The following SYNE2 variants were observed in gnomAD, a reference collection of about 807,000 sequenced individuals.
SYNE2 encodes the protein nesprin-2.
In SYNE2, 431 loss-of-function variants were observed where a neutral mutation model predicts 856.3. The observed-to-expected ratio is 0.50, with a 90% confidence interval of 0.47 to 0.55. SYNE2 has a LOEUF of 0.55. Among genes scored for constraint, SYNE2 ranks in the 20% least tolerant of loss-of-function variants. The probability of loss-of-function intolerance (pLI) is 0.00; values close to 1 mark genes in which losing one functional copy is unlikely to be tolerated. For synonymous variants in SYNE2, 2,923 were observed against 2,872.3 expected (o/e 1.02, Z -0.56); for missense variants, 8,129 against 8,023.2 (o/e 1.01, Z -0.50).
chr14:64,076,799 AAC>A lies in SYNE2; in HGVS notation c.11022+703_11022+704del, dbSNP rs1350504711. 3.8e-4 allele frequency among the ~76,000 whole-genome samples: 58 copies of A among 151,778 alleles called. 1 individual carries two copies. Among genetic ancestry groups the A allele is most frequent in the Middle Eastern group, 6.8e-3 (2 of 294 alleles). Reference sequence around the variant, plus strand: ...AACTTGATAAATAAAATAGATCTTAAACACAAAAAATTCAGATTTCAAACTTA... The same window carrying A: ...AACTTGATAAATAAAATAGATCTTAAACAAAAAATTCAGATTTCAAACTTA... On this transcript the variant is annotated intron_variant, in intron 54 of 115. Transcript: ENST00000555002.
At chr14:64,107,153 C>T (rs1452413379) in intron 64 of SYNE2, among the ~76,000 whole-genome samples, 1 of 152,106 alleles carries the variant, frequency 6.6e-6, no homozygotes, top group East Asian at 1.9e-4. Context: ...TCACACCTGG[C>T]CATGTAATTT....
chr14:64,011,758 C>G (rs531194354), intron 32 of SYNE2, among the ~76,000 whole-genome samples: 1 of 152,272 alleles, frequency 6.6e-6, no homozygotes, highest in African/African-American at 2.4e-5. Flanking sequence ...TTCCCACTAC[C>G]CCATAACTGT....
chr14:63,878,808 G>A (rs1471204063), intron 1 of SYNE2, among the ~76,000 whole-genome samples: 2 of 152,216 alleles, frequency 1.3e-5, no homozygotes, highest in African/African-American at 2.4e-5. Flanking sequence ...GCCTCCCAAA[G>A]TGTTGGAATT....
chr14:64,107,356 TC>T, intron 64 of SYNE2, 134 bp from the exon 65 acceptor site: 1 of 786,350 alleles, frequency 1.3e-6, no homozygotes, highest in Non-Finnish European at 2.2e-6. Flanking sequence ...CAAACTTTTT[TC>T]TAATCGTATC....
At chr14:63,898,042 A>T (rs755143116) in intron 1 of SYNE2, among the ~76,000 whole-genome samples, 41 of 152,164 alleles carry the variant, frequency 2.7e-4, no homozygotes, top group Non-Finnish European at 5.3e-4. Flanking sequence ...GTTCAAAGCC[A>T]CTCATTGAAA....
intron 6 of SYNE2, among the ~76,000 whole-genome samples, chr14:63,949,328 T>C (rs966582312): frequency 2.6e-5 from 4 of 152,214 alleles, no homozygotes; most frequent in African/African-American, 9.6e-5. Flanking sequence ...TTAAATTTCT[T>C]AAATTATTAA....
At chr14:64,019,691 G>A (rs1483465123) in intron 34 of SYNE2, among the ~76,000 whole-genome samples, 6 of 152,126 alleles carry the variant, frequency 3.9e-5, no homozygotes, top group Admixed American at 2.0e-4. Context: ...GCGCACACAC[G>A]GGGTATGCAA....
chr14:63,799,172 G>A (rs986882997), intron 1 of SYNE2, among the ~76,000 whole-genome samples: 14 of 152,188 alleles, frequency 9.2e-5, no homozygotes, highest in East Asian at 1.9e-4. Context: ...TCCACCTCCC[G>A]GGTTCAAGCA....
At chr14:64,207,357 T>C (rs2098610493) in intron 100 of SYNE2, among the ~76,000 whole-genome samples, 2 of 152,062 alleles carry the variant, frequency 1.3e-5, no homozygotes, top group Admixed American at 1.3e-4. Context: ...GGTGGATCAC[T>C]TGAGCTCAGA....
chr14:64,173,110 A>G (rs1296911534), intron 94 of SYNE2, among the ~76,000 whole-genome samples: 1 of 152,200 alleles, frequency 6.6e-6, no homozygotes, highest in East Asian at 1.9e-4. Context: ...TCTTAGGCAG[A>G]TAAAGGACTT....
chr14:64,224,181 C>CAAAAAAAAAAAAAAA (rs35804232), intron 113 of SYNE2, among the ~76,000 whole-genome samples: 1 of 74,748 alleles, frequency 1.3e-5, no homozygotes, highest in Non-Finnish European at 2.5e-5. Context: ...CCCGTCTCTG[C>CAAAAAAAAAAAAAAA]AAAAAAAAAA....
At chr14:63,810,055 C>T (rs923913921) in intron 1 of SYNE2, among the ~76,000 whole-genome samples, 4 of 152,044 alleles carry the variant, frequency 2.6e-5, no homozygotes, top group African/African-American at 9.7e-5. Flanking sequence ...GACACTGTCT[C>T]TACAAAAAAT....
At chr14:63,962,053 GTTTA>G (rs994294482) in intron 9 of SYNE2, among the ~76,000 whole-genome samples, 6 of 150,496 alleles carry the variant, frequency 4.0e-5, no homozygotes, top group Non-Finnish European at 7.4e-5. Context: ...TTTTATTTTT[GTTTA>G]TTTATTTATT....
At chr14:63,954,479 C>T (rs1047815160) in intron 7 of SYNE2, among the ~76,000 whole-genome samples, 1 of 152,188 alleles carries the variant, frequency 6.6e-6, no homozygotes, top group Admixed American at 6.5e-5. Flanking sequence ...ACCTGCACCC[C>T]ATGTGATACT....
intron 1 of SYNE2, among the ~76,000 whole-genome samples, chr14:63,863,811 ATTT>A (rs1344973136): frequency 6.6e-6 from 1 of 151,974 alleles, no homozygotes; most frequent in Admixed American, 6.6e-5. Flanking sequence ...GATATGTTTT[ATTT>A]TTTTATCTTT....
chr14:64,161,044 T>C (rs568402104), intron 87 of SYNE2, among the ~76,000 whole-genome samples: 33 of 152,194 alleles, frequency 2.2e-4, no homozygotes, highest in Non-Finnish European at 4.1e-4. Flanking sequence ...GGGGAAAATA[T>C]TTTTTAAAAG....
chr14:63,998,193 G>A (rs775651588), intron 25 of SYNE2, 26 bp from the exon 26 acceptor site: 91 of 1,467,638 alleles, frequency 6.2e-5, no homozygotes, highest in Admixed American at 3.8e-4. Context: ...AAGATATTTC[G>A]TTTACTATTT....
At position 64,174,930 on chromosome 14, in the gene SYNE2, C is replaced by CT. The variant is rs763046539; in HGVS notation, c.17236-6dup. ...TCAGAAACCTAAGCAAATTACTTCTCTTTTTTTTCTTAGAATAAAGAAATT... is the reference window on the plus strand; with the variant it reads ...TCAGAAACCTAAGCAAATTACTTCTCTTTTTTTTTCTTAGAATAAAGAAATT... On this transcript the variant is annotated splice_polypyrimidine_tract_variant and intron_variant, in intron 94 of 115. Transcript: ENST00000555002. The CT allele has an allele frequency of 1.9e-6, 3 of 1,611,800 alleles. No homozygotes were observed. Among genetic ancestry groups the CT allele is most frequent in the Non-Finnish European group, 2.5e-6 (3 of 1,178,140 alleles).
chr14:64,205,406 A>G (rs2098600510), intron 100 of SYNE2, among the ~76,000 whole-genome samples: 1 of 152,146 alleles, frequency 6.6e-6, no homozygotes, highest in African/African-American at 2.4e-5. Context: ...ACTTTTTAAA[A>G]CCTTACCTAG....
Sources: gnomAD v4.1 joint callset for allele counts (sites outside exome capture counted in the v4.1 genomes callset) on GRCh38, gnomAD v4.1.1 for gene constraint, MANE v1.5 for transcripts, NCBI Gene and HGNC (gene_info 2026-07-23, HGNC 2026-07-21) for gene names.